The following FAM193A variants were observed in gnomAD, a reference collection of about 807,000 sequenced individuals.
The protein encoded by FAM193A is protein FAM193A.
In FAM193A, 22 loss-of-function variants were observed where a neutral mutation model predicts 126.5. That is an observed-to-expected ratio of 0.17 (90% confidence interval 0.12 to 0.25). The LOEUF is 0.25. Ranked by LOEUF, FAM193A falls within the 10% of genes least tolerant of loss-of-function variation. The probability of loss-of-function intolerance (pLI) is 1.00; values close to 1 mark genes in which losing one functional copy is unlikely to be tolerated. For synonymous variants in FAM193A, 761 were observed against 646.8 expected (o/e 1.18, Z -2.68); for missense variants, 1,675 against 1,672.8 (o/e 1.00, Z -0.02).
chr4:2,694,097 G>C (rs553192205), intron 16 of FAM193A, among the ~76,000 whole-genome samples: 1 of 152,322 alleles, frequency 6.6e-6, no homozygotes, highest in African/African-American at 2.4e-5. Flanking sequence ...GGCCGCCATG[G>C]ATAGGTGGGC....
intron 19 of FAM193A, among the ~76,000 whole-genome samples, chr4:2,711,422 C>T (rs1718959598): frequency 6.6e-6 from 1 of 151,696 alleles, no homozygotes; most frequent in African/African-American, 2.4e-5. Flanking sequence ...TCACTGCCAC[C>T]TCTGCCTCCT....
At chr4:2,581,569 C>T (rs1739944291) in intron 1 of FAM193A, among the ~76,000 whole-genome samples, 1 of 150,658 alleles carries the variant, frequency 6.6e-6, no homozygotes, top group African/African-American at 2.4e-5. Flanking sequence ...AATACTTCAA[C>T]ATTTTATGTG....
chr4:2,631,991 G>C (rs1015418335), intron 5 of FAM193A, among the ~76,000 whole-genome samples: 2 of 151,956 alleles, frequency 1.3e-5, no homozygotes, highest in Non-Finnish European at 2.9e-5. Context: ...TGCTAGTTTT[G>C]GGTGCTTTCT....
intron 20 of FAM193A, among the ~76,000 whole-genome samples, chr4:2,724,689 G>A (rs957437897): frequency 6.6e-5 from 10 of 152,132 alleles, no homozygotes; most frequent in Non-Finnish European, 1.0e-4. Context: ...CAGCTTGGGA[G>A]ATAGAGTGAG....
intron 7 of FAM193A, among the ~76,000 whole-genome samples, chr4:2,656,342 A>G (rs1193951018): frequency 6.6e-6 from 1 of 152,210 alleles, no homozygotes; most frequent in Non-Finnish European, 1.5e-5. Flanking sequence ...TTTCATTTAT[A>G]TGACATTTAT....
chr4:2,671,259 G>A (rs1713752970), intron 12 of FAM193A, among the ~76,000 whole-genome samples: 1 of 152,228 alleles, frequency 6.6e-6, no homozygotes, highest in African/African-American at 2.4e-5. Context: ...CTCATTTCCA[G>A]GGTTCTCTCT....
At chr4:2,570,994 C>T (rs934216686) in intron 1 of FAM193A, among the ~76,000 whole-genome samples, 4 of 152,140 alleles carry the variant, frequency 2.6e-5, no homozygotes, top group African/African-American at 9.7e-5. Flanking sequence ...GTTTCGCTTA[C>T]GGAGTGGGTG....
Position 2,700,038 on chromosome 4 carries a change from G to C in FAM193A, c.3866G>C (p.Gly1289Ala). ...ATGAACCACTCAGAGCCCAGGCCAGGGCTAGGGGCTGATGGGGATGCTGCA... is the reference window on the plus strand; with the variant it reads ...ATGAACCACTCAGAGCCCAGGCCAGCGCTAGGGGCTGATGGGGATGCTGCA... The part of the protein sequence containing the change: ...RHMNHSEPRP[G>A]LGADGDAADP... The change falls in exon 19 of 21, where the codon GGG becomes GCG. Residue 1289 changes from glycine (G) to alanine (A), a missense_variant. By Grantham distance (60) the Gly-to-Ala change is moderately conservative (BLOSUM62 0). Transcript: ENST00000637812. 1 of 1,613,892 alleles carries C rather than the reference G, an allele frequency of 6.2e-7. No individual in the cohort carries two copies. The highest frequency in any genetic ancestry group is 8.5e-7 in the Non-Finnish European group (1 of 1,180,004).
At chr4:2,666,315 G>C (rs1005692885) in intron 12 of FAM193A, among the ~76,000 whole-genome samples, 6 of 152,168 alleles carry the variant, frequency 3.9e-5, no homozygotes, top group Non-Finnish European at 8.8e-5. Context: ...TGTCACATCA[G>C]TTGATTTAAG....
At chr4:2,608,056 C>A in intron 2 of FAM193A, 1 of 1,608,832 alleles carries the variant, frequency 6.2e-7, no homozygotes, top group Non-Finnish European at 8.5e-7. Flanking sequence ...GCATAAATTG[C>A]AGAGTGTAAG....
chr4:2,585,611 T>C (rs1284503625), intron 1 of FAM193A, among the ~76,000 whole-genome samples: 1 of 152,238 alleles, frequency 6.6e-6, no homozygotes, highest in South Asian at 2.1e-4. Flanking sequence ...TTTCATTTTC[T>C]TAATGTTTAT....
intron 1 of FAM193A, among the ~76,000 whole-genome samples, chr4:2,585,713 G>A (rs1740194770): frequency 6.6e-6 from 1 of 152,158 alleles, no homozygotes; most frequent in Non-Finnish European, 1.5e-5. Context: ...GATCACCTGA[G>A]GTCAGGCGTT....
intron 2 of FAM193A, among the ~76,000 whole-genome samples, chr4:2,617,646 G>T (rs1002855635): frequency 6.6e-6 from 1 of 151,792 alleles, no homozygotes; most frequent in Non-Finnish European, 1.5e-5. Context: ...TAATTTTTTA[G>T]CTATAGCTTC....
At chr4:2,556,053 C>T (rs1316409125) in intron 1 of FAM193A, among the ~76,000 whole-genome samples, 6 of 151,382 alleles carry the variant, frequency 4.0e-5, no homozygotes, top group South Asian at 2.1e-4. Flanking sequence ...TGTGCCACCA[C>T]GCCTGGATAA....
At chr4:2,667,682 T>C (rs73791847) in intron 12 of FAM193A, among the ~76,000 whole-genome samples, 10,638 of 152,242 alleles carry the variant, frequency 0.07, 654 homozygotes, top group African/African-American at 0.16. Flanking sequence ...TGTCTTTGAA[T>C]CTAAAATTTG....
chr4:2,659,521 G>A lies in FAM193A; in HGVS notation c.1390-37G>A, dbSNP rs769076859. 5.7e-6 allele frequency: 8 copies of A among 1,404,888 alleles called. No individual in the cohort carries two copies. The South Asian group carries it at 9.3e-5, about 16-fold the overall frequency. The allele number at this position is 1,404,888 out of a possible 1,614,324, so 87.0% of individuals were successfully genotyped here. A position where few individuals can be genotyped will look rare whatever the true frequency, so the allele number is the denominator to read the frequency against. On this transcript the variant is annotated intron_variant, in intron 8 of 20. Coordinates refer to ENST00000637812, the MANE Select transcript of FAM193A (RefSeq NM_001366318.2). ...ATAATGAGCCATGTCTCGGGGAAGG[G>A]TCTTGCAAGATTAAAGCATTTTAAA...
chr4:2,683,340 G>T (rs1217654215), intron 13 of FAM193A, among the ~76,000 whole-genome samples: 1 of 151,776 alleles, frequency 6.6e-6, no homozygotes, highest in Non-Finnish European at 1.5e-5. Flanking sequence ...AGCCGCCCAG[G>T]CTGGAGTGCA....
chr4:2,668,796 CTT>C (rs1367820940), intron 12 of FAM193A, among the ~76,000 whole-genome samples: 2 of 151,586 alleles, frequency 1.3e-5, no homozygotes, highest in Non-Finnish European at 3.0e-5. Flanking sequence ...CTCTCTCTCT[CTT>C]TCTCTCTCTC....
At chr4:2,715,053 G>T (rs547870391) in intron 19 of FAM193A, among the ~76,000 whole-genome samples, 1 of 152,344 alleles carries the variant, frequency 6.6e-6, no homozygotes, top group East Asian at 1.9e-4. Flanking sequence ...ACTTGCCTGA[G>T]AGTCTAGGAA....
Sources: gnomAD v4.1 joint callset for allele counts (sites outside exome capture counted in the v4.1 genomes callset) on GRCh38, gnomAD v4.1.1 for gene constraint, MANE v1.5 for transcripts, NCBI Gene and HGNC (gene_info 2026-07-23, HGNC 2026-07-21) for gene names.